The following NSMCE2 variants were observed in gnomAD, a reference collection of about 807,000 sequenced individuals.
NSMCE2 encodes the protein NSE2 SUMO ligase component of SMC5/6 complex, also known as E3 SUMO-protein ligase NSE2.
A neutral mutation model predicts 23.8 loss-of-function variants in NSMCE2; 24 were observed. The observed-to-expected ratio is 1.01, with a 90% CI of 0.73 to 1.42. The LOEUF is 1.42. Among genes scored for constraint, NSMCE2 ranks in the 40% most tolerant of loss-of-function variants. The pLI is 0.00. For synonymous variants in NSMCE2, 92 were observed against 94.1 expected, an observed-to-expected ratio of 0.98 and a Z score of 0.13; for missense variants, 284 against 296.5, an observed-to-expected ratio of 0.96 and a Z score of 0.31.
intron 5 of NSMCE2, among the ~76,000 whole-genome samples, chr8:125,212,566 C>A (rs2130889703): frequency 6.6e-6 from 1 of 152,222 alleles, no homozygotes; most frequent in South Asian, 2.1e-4. Flanking sequence ...GGTACGTGTT[C>A]AGTACCAAAC....
At chr8:125,293,549 A>G (rs1828200081) in intron 5 of NSMCE2, among the ~76,000 whole-genome samples, 1 of 135,230 alleles carries the variant, frequency 7.4e-6, no homozygotes, top group Non-Finnish European at 1.6e-5. Flanking sequence ...GGAAAGCTCC[A>G]TGCTAATTAT....
intron 4 of NSMCE2, among the ~76,000 whole-genome samples, chr8:125,174,868 A>G (rs1822401254): frequency 6.6e-6 from 1 of 152,192 alleles, no homozygotes; most frequent in African/African-American, 2.4e-5. Context: ...GGCACTAGGA[A>G]ACACACTCAG....
At chr8:125,333,391 C>T (rs978420993) in intron 5 of NSMCE2, among the ~76,000 whole-genome samples, 3 of 151,334 alleles carry the variant, frequency 2.0e-5, no homozygotes, top group Admixed American at 6.6e-5. Flanking sequence ...AGGTTGGTCT[C>T]GAACTCCTGG....
intron 3 of NSMCE2, among the ~76,000 whole-genome samples, chr8:125,138,795 A>G (rs1820202599): frequency 6.6e-6 from 1 of 152,152 alleles, no homozygotes; most frequent in Non-Finnish European, 1.5e-5. Context: ...TCTTTGAAGC[A>G]CTGGAATCTG....
At chr8:125,361,316 C>T (rs1410550056) in intron 7 of NSMCE2, among the ~76,000 whole-genome samples, 1 of 152,174 alleles carries the variant, frequency 6.6e-6, no homozygotes, top group Non-Finnish European at 1.5e-5. Flanking sequence ...GATCTGCCCA[C>T]CTTGGCCTCC....
At chr8:125,332,460 G>T (rs143860301) in intron 5 of NSMCE2, among the ~76,000 whole-genome samples, 68 of 152,254 alleles carry the variant, frequency 4.5e-4, no homozygotes, top group African/African-American at 1.6e-3. Flanking sequence ...TATAGTACTC[G>T]CATCAGAGTT....
intron 5 of NSMCE2, among the ~76,000 whole-genome samples, chr8:125,240,000 C>T (rs1304989307): frequency 7.9e-5 from 12 of 152,126 alleles, no homozygotes. Context: ...TTTCTCTTTC[C>T]TACTGTTGAG....
intron 3 of NSMCE2, among the ~76,000 whole-genome samples, chr8:125,125,764 A>G (rs1179320093): frequency 6.6e-6 from 1 of 152,236 alleles, no homozygotes; most frequent in Admixed American, 6.5e-5. Context: ...GTGAGAGCTT[A>G]TGAGTCAGAG....
intron 3 of NSMCE2, among the ~76,000 whole-genome samples, chr8:125,103,632 T>C (rs986532758): frequency 6.6e-6 from 1 of 152,248 alleles, no homozygotes; most frequent in African/African-American, 2.4e-5. Flanking sequence ...TGGGTTGATA[T>C]TGTCCCATAA....
intron 5 of NSMCE2, among the ~76,000 whole-genome samples, chr8:125,237,407 C>T (rs781299384): frequency 4.6e-5 from 7 of 152,162 alleles, no homozygotes; most frequent in African/African-American, 7.2e-5. Flanking sequence ...GTCACTGTTA[C>T]GGTTCCTAAC....
At chr8:125,198,719 G>A (rs1487585820) in intron 5 of NSMCE2, among the ~76,000 whole-genome samples, 1 of 152,120 alleles carries the variant, frequency 6.6e-6, no homozygotes, top group Non-Finnish European at 1.5e-5. Context: ...AGTTAGGGAG[G>A]TTCCCTCTTT....
At chr8:125,362,274 T>C (rs139274522) in intron 7 of NSMCE2, among the ~76,000 whole-genome samples, 1 of 152,366 alleles carries the variant, frequency 6.6e-6, no homozygotes, top group Non-Finnish European at 1.5e-5. Context: ...TGTGGCATGA[T>C]GGCCTTCTCT....
At chr8:125,353,372 C>CTTCTCCTTGGCTT (rs1201133317) in intron 5 of NSMCE2, among the ~76,000 whole-genome samples, 21 of 152,296 alleles carry the variant, frequency 1.4e-4, no homozygotes, top group African/African-American at 4.3e-4. Flanking sequence ...GGCTCCTAGC[C>CTTCTCCTTGGCTT]TTCTCCTTGG....
At chr8:125,169,608 C>T (rs1367263759) in intron 4 of NSMCE2, among the ~76,000 whole-genome samples, 1 of 152,182 alleles carries the variant, frequency 6.6e-6, no homozygotes, top group Non-Finnish European at 1.5e-5. Context: ...AATTAATTCA[C>T]CTACCTCCAT....
chr8:125,148,976 A>G (rs1820832894), intron 3 of NSMCE2, among the ~76,000 whole-genome samples: 1 of 152,202 alleles, frequency 6.6e-6, no homozygotes, highest in Admixed American at 6.5e-5. Flanking sequence ...TGGTTGCTGT[A>G]TATATAGCAA....
At chr8:125,299,877 G>A (rs928582536) in intron 5 of NSMCE2, among the ~76,000 whole-genome samples, 1 of 127,046 alleles carries the variant, frequency 7.9e-6, no homozygotes, top group Non-Finnish European at 1.6e-5. Flanking sequence ...GGAGTGCAGT[G>A]GCAGAATCTC....
chr8:125,122,544 A>T (rs1819321038), intron 3 of NSMCE2, among the ~76,000 whole-genome samples: 1 of 152,048 alleles, frequency 6.6e-6, no homozygotes, highest in African/African-American at 2.4e-5. Context: ...TGCTCACATG[A>T]CTTCCTCTCC....
chr8:125,172,553 C>T (rs1457206812), intron 4 of NSMCE2, among the ~76,000 whole-genome samples: 1 of 152,176 alleles, frequency 6.6e-6, no homozygotes, highest in Non-Finnish European at 1.5e-5. Flanking sequence ...ATACATCTTA[C>T]CAGGTACCGT....
At chr8:125,139,061 G>A (rs148716217) in intron 3 of NSMCE2, among the ~76,000 whole-genome samples, 187 of 152,302 alleles carry the variant, frequency 1.2e-3, no homozygotes, top group African/African-American at 4.3e-3. Context: ...CTAGGGAGGC[G>A]CTGAATCAGC....
Sources: allele counts gnomAD v4.1 joint callset (sites outside exome capture counted in the v4.1 genomes callset), GRCh38; gene constraint gnomAD v4.1.1; transcripts MANE v1.5; gene names NCBI Gene and HGNC (gene_info 2026-07-23, HGNC 2026-07-21).